Variants in SCN4B observed in about 807,000 individuals in gnomAD.
SCN4B encodes sodium channel regulatory subunit beta-4.
In SCN4B, 20 loss-of-function variants were observed where a neutral mutation model predicts 19.6. The observed-to-expected ratio is 1.02, with a 90% CI of 0.72 to 1.48. The LOEUF (loss-of-function observed/expected upper bound fraction) is 1.48, where lower values mean the gene tolerates loss of function less well. Among genes scored for constraint, SCN4B ranks in the 40% most tolerant of loss-of-function variants. The probability of loss-of-function intolerance (pLI) is 0.00; values close to 1 mark genes in which losing one functional copy is unlikely to be tolerated. For synonymous variants in SCN4B, 127 were observed against 122.8 expected (o/e 1.03, Z -0.22); for missense variants, 271 against 287.5 (o/e 0.94, Z 0.42).
At position 118,135,132 on chromosome 11, in the gene SCN4B, G is replaced by C. The variant is rs1299494372; in HGVS notation, c.*1895C>G. On this transcript the variant is annotated 3_prime_UTR_variant, in exon 5 of 5. Transcript: ENST00000324727. ...AGTTTTCTGAATGGCTGGTGGCTCT[G>C]GTCTGTCTGCTCCCAAAGCCAGGAA... The C allele has an allele frequency of 4.4e-6, 2 of 454,002 alleles. No homozygotes were observed. The highest frequency in any genetic ancestry group is 2.3e-5 in the Admixed American group (1 of 42,556). 28.1% of individuals were successfully genotyped at this position (454,002 alleles called of 1,614,324 possible).
intron 2 of SCN4B, 67 bp downstream of exon 2, chr11:118,144,990 C>A: frequency 6.6e-7 from 1 of 1,509,448 alleles, no homozygotes; most frequent in South Asian, 1.1e-5. Context: ...CAGAAGGGAC[C>A]AGAGCGTAGG....
chr11:118,152,663 G>C lies in SCN4B; in HGVS notation c.11C>G (p.Ala4Gly). Residue 4 changes from alanine (A) to glycine (G), a missense_variant, in exon 1 of 5, where the codon GCT (alanine) becomes GGT (glycine). Transcript: ENST00000324727. ...CGCCGGGGCTTTGCCTCCGTCCCCA[G>C]CCCCGGGCATAGTCCTGTTCTCTCC... MPG[A>G]GDGGKAPARW... 1 of 1,610,936 alleles carries C rather than the reference G, an allele frequency of 6.2e-7. No individual in the cohort carries two copies. The highest frequency in any genetic ancestry group is 8.5e-7 in the Non-Finnish European group (1 of 1,178,242).
At chr11:118,141,918 C>T (rs1013599760) in intron 3 of SCN4B, 2 of 157,944 alleles carry the variant, frequency 1.3e-5, no homozygotes, top group Non-Finnish European at 2.8e-5. Context: ...CAGTCTTCCT[C>T]CTCTCCACTG....
At chr11:118,139,471 A>C (rs1474590372) in intron 4 of SCN4B, among the ~76,000 whole-genome samples, 1 of 152,102 alleles carries the variant, frequency 6.6e-6, no homozygotes, top group Non-Finnish European at 1.5e-5. Flanking sequence ...TTGTATACAC[A>C]TTTATTTGTA....
intron 1 of SCN4B, among the ~76,000 whole-genome samples, chr11:118,145,986 G>A (rs1245062556): frequency 6.6e-6 from 1 of 152,066 alleles, no homozygotes; most frequent in Non-Finnish European, 1.5e-5. Flanking sequence ...CCGCGGGGGC[G>A]CGCGGGCGCA....
At chr11:118,143,686 T>A (rs1232925800) in intron 3 of SCN4B, 147 bp downstream of exon 3, 3 of 672,180 alleles carry the variant, frequency 4.5e-6, no homozygotes, top group African/African-American at 3.6e-5. Flanking sequence ...CTCTTCTAGC[T>A]TTTAGATGTA....
At chr11:118,149,528 G>T (rs1948215646) in intron 1 of SCN4B, among the ~76,000 whole-genome samples, 1 of 152,166 alleles carries the variant, frequency 6.6e-6, no homozygotes, top group Non-Finnish European at 1.5e-5. Context: ...CCTGGGCCCA[G>T]AGACAAAGGA....
intron 3 of SCN4B, chr11:118,141,637 T>A: frequency 4.4e-6 from 2 of 450,438 alleles, no homozygotes; most frequent in Non-Finnish European, 4.1e-6. Flanking sequence ...AACACTCAAG[T>A]TTGAGTGGTG....
chr11:118,137,753 G>A (rs1361155279), intron 4 of SCN4B, among the ~76,000 whole-genome samples: 1 of 152,198 alleles, frequency 6.6e-6, no homozygotes, highest in Non-Finnish European at 1.5e-5. Flanking sequence ...AGGGCACCAG[G>A]TGCTGTTCTC....
intron 1 of SCN4B, among the ~76,000 whole-genome samples, chr11:118,150,014 T>C (rs1484571516): frequency 1.3e-5 from 2 of 152,226 alleles, no homozygotes; most frequent in African/African-American, 4.8e-5. Flanking sequence ...TGCTTCTTCT[T>C]TCCTTTTTCT....
chr11:118,135,003 CTT>C lies in SCN4B; in HGVS notation c.*2022_*2023del. 1 of 454,084 alleles carries C rather than the reference CTT, an allele frequency of 2.2e-6. No homozygotes were observed. Among genetic ancestry groups the C allele is most frequent in the South Asian group, 1.6e-5 (1 of 64,472 alleles). The allele number at this position is 454,084 out of a possible 1,614,324, so 28.1% of individuals were successfully genotyped here. A position where few individuals can be genotyped will look rare whatever the true frequency, so the allele number is the denominator to read the frequency against. Reference sequence around the variant, plus strand: ...CTTCTCCCTACTCTACGTGCCTTGGCTTTCTCTTAAGACAGAAGGAGGAGCCC... The same window carrying C: ...CTTCTCCCTACTCTACGTGCCTTGGCTCTCTTAAGACAGAAGGAGGAGCCC... On this transcript the variant is annotated 3_prime_UTR_variant, in exon 5 of 5. Transcript: ENST00000324727.
intron 4 of SCN4B, 78 bp from the exon 5 acceptor site, chr11:118,137,198 C>T: frequency 9.3e-7 from 1 of 1,078,876 alleles, no homozygotes; most frequent in Non-Finnish European, 1.4e-6. Flanking sequence ...AGCCGTGGGC[C>T]CTGCACCCAG....
In SCN4B at chr11:118,134,210, C is replaced by T. The variant is rs766598745; in HGVS notation, c.*2817G>A. 2 of 454,174 alleles carry T rather than the reference C, an allele frequency of 4.4e-6. No homozygotes were observed. The highest frequency in any genetic ancestry group is 3.1e-5 in the South Asian group (2 of 64,482). The allele number at this position is 454,174 out of a possible 1,614,324, so 28.1% of individuals were successfully genotyped here. A position where few individuals can be genotyped will look rare whatever the true frequency, so the allele number is the denominator to read the frequency against. On this transcript the variant is annotated 3_prime_UTR_variant, in exon 5 of 5. Coordinates refer to ENST00000324727, the MANE Select transcript of SCN4B (RefSeq NM_174934.4). Reference sequence around the variant, plus strand: ...TACGACATGGGGAGAAGCCCAGAACCTGGAATGCTGATTTCATATTTTGTA... The same window carrying T: ...TACGACATGGGGAGAAGCCCAGAACTTGGAATGCTGATTTCATATTTTGTA...
chr11:118,143,766 G>T, intron 3 of SCN4B, 67 bp downstream of exon 3: 1 of 1,136,760 alleles, frequency 8.8e-7, no homozygotes, highest in Non-Finnish European at 1.3e-6. Context: ...ATTTCACTGT[G>T]ATGCTGAGTT....
rs147437984 is a variant in SCN4B, at chr11:118,146,901, A to G, written c.62-1672T>C. Among the ~76,000 whole-genome samples, 180 of 152,346 alleles carry G rather than the reference A, an allele frequency of 1.2e-3. 1 individual carries two copies. Among genetic ancestry groups the G allele is most frequent in the Non-Finnish European group, 2.0e-3 (135 of 68,034 alleles). ...AGATCTACCCACCAGGGCTCCAATTAGTGCTGGGAAGTTATTTCAATTAGC... is the reference window on the plus strand; with the variant it reads ...AGATCTACCCACCAGGGCTCCAATTGGTGCTGGGAAGTTATTTCAATTAGC... On this transcript the variant is annotated intron_variant, in intron 1 of 4. Coordinates refer to ENST00000324727, the MANE Select transcript of SCN4B (RefSeq NM_174934.4).
At chr11:118,150,782 G>C (rs1275058343) in intron 1 of SCN4B, among the ~76,000 whole-genome samples, 1 of 152,188 alleles carries the variant, frequency 6.6e-6, no homozygotes, top group Non-Finnish European at 1.5e-5. Context: ...GAGAAGCAAG[G>C]ATGTCATCTA....
At chr11:118,151,066 G>A (rs937116731) in intron 1 of SCN4B, among the ~76,000 whole-genome samples, 3 of 152,026 alleles carry the variant, frequency 2.0e-5, no homozygotes, top group African/African-American at 7.3e-5. Flanking sequence ...GAGAAGGTGG[G>A]GCTTCCACCT....
intron 1 of SCN4B, among the ~76,000 whole-genome samples, chr11:118,150,634 A>G (rs1230068249): frequency 6.6e-6 from 1 of 152,122 alleles, no homozygotes; most frequent in Non-Finnish European, 1.5e-5. Flanking sequence ...ACAAGTCACC[A>G]TCCCTCTCTG....
In SCN4B at chr11:118,136,040, G is replaced by GGT. The variant is rs1555096119; in HGVS notation, c.*986_*987insAC. The GGT allele has an allele frequency of 2.3e-6, 1 of 434,832 alleles. No individual in the cohort carries two copies. The highest frequency in any genetic ancestry group is 2.5e-5 in the Admixed American group (1 of 40,816). The allele number at this position is 434,832 out of a possible 1,614,324, so 26.9% of individuals were successfully genotyped here. A position where few individuals can be genotyped will look rare whatever the true frequency, so the allele number is the denominator to read the frequency against. On this transcript the variant is annotated 3_prime_UTR_variant, in exon 5 of 5. Coordinates refer to ENST00000324727, the MANE Select transcript of SCN4B (RefSeq NM_174934.4). The stretch of plus-strand genomic sequence containing the variant: ...CAGGGCGTGATGGAGGGCACGGTGG[G>GGT]GGGGGGGGAGCGAGCCAATGGGAGG...
Sources: allele counts gnomAD v4.1 joint callset (sites outside exome capture counted in the v4.1 genomes callset), GRCh38; gene constraint gnomAD v4.1.1; transcripts MANE v1.5; gene names NCBI Gene and HGNC (gene_info 2026-07-23, HGNC 2026-07-21).